Variants in DOCK7 observed in about 807,000 individuals in gnomAD.
DOCK7 encodes dedicator of cytokinesis 7, also known as dedicator of cytokinesis protein 7.
A neutral mutation model predicts 271.0 loss-of-function variants in DOCK7; 138 were observed. The observed-to-expected ratio is 0.51, with a 90% CI of 0.44 to 0.59. The LOEUF is 0.59. Ranked by LOEUF, DOCK7 falls within the 20% of genes least tolerant of loss-of-function variation. The pLI, the probability that DOCK7 is intolerant of heterozygous loss-of-function variation, is 0.00. For missense variants in DOCK7, 2,066 were observed against 2,592.4 expected, an observed-to-expected ratio of 0.80 and a Z score of 4.41; for synonymous variants, 823 against 876.1, an observed-to-expected ratio of 0.94 and a Z score of 1.07.
intron 9 of DOCK7, 63 bp downstream of exon 9, chr1:62,634,710 A>C (rs1022833740): frequency 3.1e-5 from 47 of 1,494,940 alleles, no homozygotes; most frequent in Non-Finnish European, 4.3e-5. Context: ...AAAAGTTTAT[A>C]ATACTGACAG....
intron 45 of DOCK7, 55 bp downstream of exon 45, chr1:62,476,012 G>T: frequency 1.3e-6 from 2 of 1,599,240 alleles, no homozygotes; most frequent in Non-Finnish European, 1.7e-6. Flanking sequence ...AAACAAAATT[G>T]CACAGAGGAT....
chr1:62,582,650 C>T (rs1284451394), intron 16 of DOCK7, among the ~76,000 whole-genome samples: 2 of 135,074 alleles, frequency 1.5e-5, no homozygotes, highest in African/African-American at 5.4e-5. Context: ...TCATATGATA[C>T]AATAACATCA....
intron 18 of DOCK7, among the ~76,000 whole-genome samples, chr1:62,576,043 A>G (rs1450461522): frequency 2.0e-5 from 3 of 152,176 alleles, no homozygotes; most frequent in Non-Finnish European, 4.4e-5. Flanking sequence ...AGGGAGAGTC[A>G]TATTTCTTAC....
At chr1:62,661,828 T>C (rs528906319) in intron 2 of DOCK7, among the ~76,000 whole-genome samples, 3 of 152,234 alleles carry the variant, frequency 2.0e-5, no homozygotes, top group South Asian at 2.1e-4. Context: ...TAAGGTCTGA[T>C]TATAGAAATT....
chr1:62,617,496 C>T (rs950213192), intron 14 of DOCK7, among the ~76,000 whole-genome samples: 2 of 151,946 alleles, frequency 1.3e-5, no homozygotes, highest in Non-Finnish European at 2.9e-5. Context: ...AGATCAGAGA[C>T]TGTCTAATAT....
intron 31 of DOCK7, among the ~76,000 whole-genome samples, chr1:62,521,794 A>G (rs1413021253): frequency 1.3e-5 from 2 of 151,976 alleles, no homozygotes; most frequent in African/African-American, 4.8e-5. Flanking sequence ...TGGCCAACGT[A>G]GTGAAACCCT....
At chr1:62,664,460 A>G (rs908874241) in intron 1 of DOCK7, among the ~76,000 whole-genome samples, 4 of 152,132 alleles carry the variant, frequency 2.6e-5, no homozygotes, top group Admixed American at 6.5e-5. Context: ...GTCTTCTGCC[A>G]TGATTGTGAG....
rs1258982050 is a variant in DOCK7, at chr1:62,559,038, A to G, written c.2382T>C (p.Asp794=). The G allele has an allele frequency of 4.3e-6, 7 of 1,613,850 alleles. No individual in the cohort carries two copies. Among genetic ancestry groups the G allele is most frequent in the Non-Finnish European group, 5.9e-6 (7 of 1,179,870 alleles). Residue 794 remains aspartate, a synonymous_variant, in exon 20 of 50, where the codon GAT becomes GAC. Coordinates refer to ENST00000635253, the MANE Select transcript of DOCK7 (RefSeq NM_001367561.1). ...PVVRFLHLLL[D]KLILLVIRPP... ...GTCTAATAACTAAAAGTATCAGTTT[A>G]TCTAGCAGAAGATGAAGAAATCGGA...
intron 31 of DOCK7, among the ~76,000 whole-genome samples, chr1:62,518,573 CA>C (rs1228634392): frequency 0.022 from 2,134 of 98,070 alleles, 16 homozygotes; most frequent in South Asian, 0.049. Context: ...GACTCCATCT[CA>C]AAAAAAAAAA....
At chr1:62,456,000 A>T (rs1645337034) in intron 49 of DOCK7, among the ~76,000 whole-genome samples, 1 of 152,214 alleles carries the variant, frequency 6.6e-6, no homozygotes, top group Admixed American at 6.5e-5. Context: ...ATTAAAAATG[A>T]TCTGCAAGAA....
intron 14 of DOCK7, among the ~76,000 whole-genome samples, chr1:62,617,164 A>C (rs898195723): frequency 8.6e-5 from 13 of 151,920 alleles, no homozygotes; most frequent in African/African-American, 3.1e-4. Flanking sequence ...ACAATTGTAC[A>C]GTAAGCCTAA....
intron 13 of DOCK7, 87 bp from the exon 14 acceptor site, chr1:62,618,955 TG>T (rs1652800444): frequency 2.4e-6 from 3 of 1,255,234 alleles, no homozygotes; most frequent in Admixed American, 2.2e-5. Context: ...ATCCTATTTT[TG>T]CAAGAAGTCT....
At chr1:62,478,891 G>T (rs954936024) in intron 43 of DOCK7, 3 of 152,098 alleles carry the variant, frequency 2.0e-5, no homozygotes, top group African/African-American at 7.2e-5. Context: ...AGTACATTAA[G>T]ATCACCTTAA....
At chr1:62,567,068 G>A (rs1197525575) in intron 18 of DOCK7, among the ~76,000 whole-genome samples, 1 of 152,232 alleles carries the variant, frequency 6.6e-6, no homozygotes, top group Non-Finnish European at 1.5e-5. Flanking sequence ...ACAGGATGTG[G>A]AGAAACAGGA....
chr1:62,552,931 TAAAG>T, intron 21 of DOCK7, 30 bp from the exon 22 acceptor site: 1 of 1,420,774 alleles, frequency 7.0e-7, no homozygotes. Context: ...AGCACATAAT[TAAAG>T]AAAATTAGTC....
At chr1:62,621,135 A>G (rs1172749753) in intron 12 of DOCK7, among the ~76,000 whole-genome samples, 1 of 151,776 alleles carries the variant, frequency 6.6e-6, no homozygotes, top group African/African-American at 2.4e-5. Flanking sequence ...AAGGAGGAAG[A>G]GAGAGGAAGA....
intron 48 of DOCK7, among the ~76,000 whole-genome samples, chr1:62,467,715 A>C (rs1332647182): frequency 6.6e-6 from 1 of 152,250 alleles, no homozygotes; most frequent in Non-Finnish European, 1.5e-5. Flanking sequence ...ACATTATTCC[A>C]CAAGACAGAG....
rs191372719 is a variant in DOCK7, at chr1:62,462,514, T to C, written c.6213-4809A>G. On this transcript the variant is annotated intron_variant, in intron 48 of 49. Transcript: ENST00000635253. The stretch of plus-strand genomic sequence containing the variant: ...AACACGGGTGCTTAATTTATAATAG[T>C]GATGACACTGCAAACCAGAAAGAAA... Among the ~76,000 whole-genome samples, 261 of 152,234 alleles carry C rather than the reference T, an allele frequency of 1.7e-3. 4 individuals are homozygous for C. The highest frequency in any genetic ancestry group is 6.1e-3 in the African/African-American group (252 of 41,532).
At chr1:62,596,898 T>A (rs1649337144) in intron 14 of DOCK7, among the ~76,000 whole-genome samples, 1 of 152,084 alleles carries the variant, frequency 6.6e-6, no homozygotes, top group African/African-American at 2.4e-5. Context: ...TAATGACACT[T>A]ACTATATATG....
Sources: allele counts gnomAD v4.1 joint callset (sites outside exome capture counted in the v4.1 genomes callset), GRCh38; gene constraint gnomAD v4.1.1; transcripts MANE v1.5; gene names NCBI Gene and HGNC (gene_info 2026-07-23, HGNC 2026-07-21).